The following PEBP4 variants were observed in gnomAD, a reference collection of about 807,000 sequenced individuals.
PEBP4 encodes phosphatidylethanolamine-binding protein 4.
PEBP4 carries 22 observed loss-of-function variants against 23.9 expected under a neutral mutation model. That is an observed-to-expected ratio of 0.92 (90% confidence interval 0.66 to 1.31). PEBP4 has a LOEUF of 1.31. Among genes scored for constraint, PEBP4 ranks in the 40% most tolerant of loss-of-function variants. The pLI, the probability that PEBP4 is intolerant of heterozygous loss-of-function variation, is 0.00. For missense variants in PEBP4, 324 were observed against 281.7 expected (o/e 1.15, Z -1.07); for synonymous variants, 112 against 99.3 (o/e 1.13, Z -0.76).
At chr8:22,805,448 TC>T (rs1363675483) in intron 4 of PEBP4, among the ~76,000 whole-genome samples, 1 of 152,248 alleles carries the variant, frequency 6.6e-6, no homozygotes, top group Admixed American at 6.5e-5. Context: ...TGCCTCAGCC[TC>T]CCAAGTAGCT....
At chr8:22,918,590 C>A (rs558197335) in intron 3 of PEBP4, among the ~76,000 whole-genome samples, 1 of 152,326 alleles carries the variant, frequency 6.6e-6, no homozygotes, top group African/African-American at 2.4e-5. Context: ...TGGATGTCTG[C>A]AGCATCATCA....
chr8:22,856,082 A>G (rs1241389889), intron 3 of PEBP4, among the ~76,000 whole-genome samples: 1 of 151,346 alleles, frequency 6.6e-6, no homozygotes, highest in African/African-American at 2.4e-5. Context: ...ACCTAATATA[A>G]TAAAAAGCAA....
intron 4 of PEBP4, among the ~76,000 whole-genome samples, chr8:22,753,561 G>A (rs1295499358): frequency 1.3e-5 from 2 of 152,186 alleles, no homozygotes; most frequent in African/African-American, 4.8e-5. Flanking sequence ...CATGATGCTG[G>A]GAGAACTTCA....
intron 6 of PEBP4, among the ~76,000 whole-genome samples, chr8:22,714,751 C>T (rs1481481234): frequency 2.6e-5 from 4 of 152,080 alleles, no homozygotes; most frequent in Non-Finnish European, 5.9e-5. Flanking sequence ...TCCCACCTGC[C>T]TGTCTCCTCG....
chr8:22,843,109 C>T (rs867960125), intron 3 of PEBP4, among the ~76,000 whole-genome samples: 11 of 151,300 alleles, frequency 7.3e-5, no homozygotes, highest in Non-Finnish European at 1.5e-4. Flanking sequence ...ATTACAGGTG[C>T]GTGCCACCAT....
At position 22,833,395 on chromosome 8, in the gene PEBP4, G is replaced by A. The variant is rs1306153004; in HGVS notation, c.259-15660C>T. Reference sequence around the variant, plus strand: ...CACTCAGGCTGGAGTGCAGTGGCGCGATCTCGGCTTACTGCAACCTCCGCC... The same window carrying A: ...CACTCAGGCTGGAGTGCAGTGGCGCAATCTCGGCTTACTGCAACCTCCGCC... On this transcript the variant is annotated intron_variant, in intron 3 of 6. Transcript: ENST00000256404. 2.0e-5 allele frequency among the ~76,000 whole-genome samples: 3 copies of A among 152,260 alleles called. No individual in the cohort carries two copies. The East Asian group carries it at 5.8e-4, about 29-fold the overall frequency.
intron 3 of PEBP4, among the ~76,000 whole-genome samples, chr8:22,836,299 C>T (rs1807203060): frequency 6.6e-6 from 1 of 152,224 alleles, no homozygotes; most frequent in Admixed American, 6.5e-5. Flanking sequence ...GATTCAAAAT[C>T]ATATCGCTTG....
chr8:22,725,625 G>A (rs541061827), intron 5 of PEBP4, among the ~76,000 whole-genome samples: 101 of 152,276 alleles, frequency 6.6e-4, no homozygotes, highest in African/African-American at 2.3e-3. Flanking sequence ...GCAGAGTCAA[G>A]GTCCTGCTGG....
At chr8:22,728,352 C>T (rs917354456) in intron 4 of PEBP4, among the ~76,000 whole-genome samples, 1 of 152,168 alleles carries the variant, frequency 6.6e-6, no homozygotes, top group Non-Finnish European at 1.5e-5. Flanking sequence ...GCCTCTTGGT[C>T]AGATATCCCT....
At chr8:22,755,949 A>G (rs1268091265) in intron 4 of PEBP4, 1 of 152,246 alleles carries the variant, frequency 6.6e-6, no homozygotes, top group Non-Finnish European at 1.5e-5. Flanking sequence ...GCTGCCGTAC[A>G]TCTGCATCTT....
chr8:22,900,144 A>T (rs908628293), intron 3 of PEBP4, among the ~76,000 whole-genome samples: 7 of 152,212 alleles, frequency 4.6e-5, no homozygotes, highest in African/African-American at 1.7e-4. Context: ...AAGTGGCTGG[A>T]AACATGTGAC....
At chr8:22,795,423 C>T (rs1397191848) in intron 4 of PEBP4, among the ~76,000 whole-genome samples, 1 of 152,098 alleles carries the variant, frequency 6.6e-6, no homozygotes, top group East Asian at 1.9e-4. Flanking sequence ...GATCCGCCTG[C>T]CTTGGCCTCC....
At chr8:22,874,551 C>CT (rs1808080856) in intron 3 of PEBP4, among the ~76,000 whole-genome samples, 1 of 152,144 alleles carries the variant, frequency 6.6e-6, no homozygotes, top group Non-Finnish European at 1.5e-5. Context: ...TACAACCCCC[C>CT]TTTCGTATTT....
chr8:22,816,832 G>GCA (rs1806750978), intron 4 of PEBP4, among the ~76,000 whole-genome samples: 1 of 152,192 alleles, frequency 6.6e-6, no homozygotes, highest in Non-Finnish European at 1.5e-5. Context: ...TCCCCAAAGA[G>GCA]CACTGCCAGG....
intron 4 of PEBP4, among the ~76,000 whole-genome samples, chr8:22,743,254 C>T (rs1805037658): frequency 1.3e-5 from 2 of 152,030 alleles, no homozygotes; most frequent in Non-Finnish European, 2.9e-5. Flanking sequence ...GGCTACTGAC[C>T]TCCTGGGCAG....
intron 3 of PEBP4, among the ~76,000 whole-genome samples, chr8:22,908,899 C>T (rs1040373024): frequency 6.6e-6 from 1 of 152,202 alleles, no homozygotes; most frequent in African/African-American, 2.4e-5. Flanking sequence ...CCCTGGAAGG[C>T]ACTTCCAGTT....
intron 3 of PEBP4, among the ~76,000 whole-genome samples, chr8:22,825,130 G>A (rs545960680): frequency 5.9e-4 from 90 of 152,348 alleles, no homozygotes; most frequent in African/African-American, 2.1e-3. Flanking sequence ...AACAGTCATT[G>A]CCAACAGAAG....
At chr8:22,831,455 T>C (rs1413139054) in intron 3 of PEBP4, among the ~76,000 whole-genome samples, 4 of 152,184 alleles carry the variant, frequency 2.6e-5, no homozygotes, top group Admixed American at 1.3e-4. Flanking sequence ...AAATAAATTA[T>C]ATATTGGCCC....
At chr8:22,816,652 G>A (rs1411495388) in intron 4 of PEBP4, among the ~76,000 whole-genome samples, 1 of 152,240 alleles carries the variant, frequency 6.6e-6, no homozygotes, top group Non-Finnish European at 1.5e-5. Flanking sequence ...GGAGCCGACA[G>A]AGGTCACTGG....
Sources: gnomAD v4.1 joint callset for allele counts (sites outside exome capture counted in the v4.1 genomes callset) on GRCh38, gnomAD v4.1.1 for gene constraint, MANE v1.5 for transcripts, NCBI Gene and HGNC (gene_info 2026-07-23, HGNC 2026-07-21) for gene names.